The following CSRNP3 variants were observed in gnomAD, a reference collection of about 807,000 sequenced individuals.
CSRNP3 encodes the protein cysteine/serine-rich nuclear protein 3.
In CSRNP3, 12 loss-of-function variants were observed where a neutral mutation model predicts 48.0. The observed-to-expected ratio is 0.25, with a 90% confidence interval of 0.16 to 0.41. The LOEUF (loss-of-function observed/expected upper bound fraction) is 0.41, where lower values mean the gene tolerates loss of function less well. Ranked by LOEUF, CSRNP3 falls within the 10% of genes least tolerant of loss-of-function variation. CSRNP3 has a pLI of 1.00. For synonymous variants in CSRNP3, 263 were observed against 269.7 expected (o/e 0.98, Z 0.24); for missense variants, 580 against 724.4 (o/e 0.80, Z 2.29).
chr2:165,672,108 C>G (rs147271662), intron 5 of CSRNP3, among the ~76,000 whole-genome samples: 20 of 152,276 alleles, frequency 1.3e-4, no homozygotes, highest in African/African-American at 4.8e-4. Context: ...CTTCTGAGCC[C>G]TCTACATCTC....
intron 1 of CSRNP3, among the ~76,000 whole-genome samples, chr2:165,481,000 AAATT>A (rs1684034252): frequency 6.6e-6 from 1 of 151,586 alleles, no homozygotes; most frequent in East Asian, 1.9e-4. Context: ...ATATGAAAAA[AAATT>A]AAATAAAAAA....
At chr2:165,570,965 T>A (rs1259284549) in intron 3 of CSRNP3, among the ~76,000 whole-genome samples, 1 of 151,960 alleles carries the variant, frequency 6.6e-6, no homozygotes, top group Admixed American at 6.6e-5. Context: ...ATTAACTCAT[T>A]GTATTTAAAA....
Position 165,682,799 on chromosome 2 carries a change from G to A in CSRNP3, c.*3046G>A, listed in dbSNP as rs1368665219. On this transcript the variant is annotated 3_prime_UTR_variant, in exon 7 of 7. Transcript: ENST00000651982. Reference sequence around the variant, plus strand: ...AGTCCTTCTAAGCTTTTAAAAATGGGGATCAAGCTACATGCAGCCAGTTGG... The same window carrying A: ...AGTCCTTCTAAGCTTTTAAAAATGGAGATCAAGCTACATGCAGCCAGTTGG... 1 of 152,046 alleles carries A rather than the reference G, an allele frequency of 6.6e-6. No individual in the cohort carries two copies. Among genetic ancestry groups the A allele is most frequent in the African/African-American group, 2.4e-5 (1 of 41,408 alleles). 9.4% of individuals were successfully genotyped at this position (152,046 alleles called of 1,614,324 possible). A position where few individuals can be genotyped will look rare whatever the true frequency, so the allele number is the denominator to read the frequency against.
chr2:165,541,254 C>A (rs1226837109), intron 3 of CSRNP3, among the ~76,000 whole-genome samples: 1 of 151,422 alleles, frequency 6.6e-6, no homozygotes, highest in Admixed American at 6.6e-5. Context: ...GGAAGGACTT[C>A]CAGGTTCTTT....
chr2:165,636,428 T>C (rs1169703002), intron 4 of CSRNP3, among the ~76,000 whole-genome samples: 1 of 152,210 alleles, frequency 6.6e-6, no homozygotes, highest in Non-Finnish European at 1.5e-5. Context: ...AGGATAACTG[T>C]ACTAACTCCA....
intron 4 of CSRNP3, among the ~76,000 whole-genome samples, chr2:165,627,443 T>C (rs1239289554): frequency 6.6e-6 from 1 of 152,210 alleles, no homozygotes; most frequent in Non-Finnish European, 1.5e-5. Flanking sequence ...TGAGTTCTTT[T>C]CTCTTTCGTT....
chr2:165,656,744 A>G (rs1180029356), intron 4 of CSRNP3, among the ~76,000 whole-genome samples: 2 of 152,064 alleles, frequency 1.3e-5, no homozygotes, highest in Non-Finnish European at 2.9e-5. Flanking sequence ...GTGTGTTTTT[A>G]TTGCTTTTTG....
chr2:165,497,598 T>TA (rs1192143765), intron 2 of CSRNP3, among the ~76,000 whole-genome samples: 1 of 152,104 alleles, frequency 6.6e-6, no homozygotes, highest in Non-Finnish European at 1.5e-5. Flanking sequence ...GCTGTCTATA[T>TA]AACTGAGACA....
intron 3 of CSRNP3, among the ~76,000 whole-genome samples, chr2:165,571,439 A>C (rs1348236556): frequency 1.3e-5 from 2 of 151,852 alleles, no homozygotes; most frequent in African/African-American, 4.8e-5. Flanking sequence ...TTAAGAAATA[A>C]TTTTATATAT....
At chr2:165,549,273 T>C (rs1392649955) in intron 3 of CSRNP3, among the ~76,000 whole-genome samples, 1 of 152,094 alleles carries the variant, frequency 6.6e-6, no homozygotes, top group African/African-American at 2.4e-5. Flanking sequence ...CAGAAATAGT[T>C]GTCATGTTTT....
At chr2:165,594,458 C>T (rs1222826206) in intron 3 of CSRNP3, among the ~76,000 whole-genome samples, 1 of 152,198 alleles carries the variant, frequency 6.6e-6, no homozygotes. Flanking sequence ...TTATTGCTAT[C>T]TTCCAGGTAA....
intron 3 of CSRNP3, among the ~76,000 whole-genome samples, chr2:165,567,980 T>C (rs1685320072): frequency 6.6e-6 from 1 of 152,138 alleles, no homozygotes; most frequent in Non-Finnish European, 1.5e-5. Flanking sequence ...CTAGTTTCAT[T>C]AATGCTCTTT....
At position 165,584,819 on chromosome 2, in the gene CSRNP3, G is replaced by A. The variant is rs148567188; in HGVS notation, c.-23-10224G>A. On this transcript the variant is annotated intron_variant, in intron 3 of 6. Coordinates refer to ENST00000651982, the MANE Select transcript of CSRNP3 (RefSeq NM_001172173.2). ...GGATGTCCAATCTTTTGGCTTCCAT[G>A]GGCCATATTAGAAAAGAAGAATTGT... Among the ~76,000 whole-genome samples, 121 of 152,216 alleles carry A rather than the reference G, an allele frequency of 7.9e-4. 2 individuals carry two copies. Among genetic ancestry groups the A allele is most frequent in the Admixed American group, 5.0e-3 (77 of 15,284 alleles).
chr2:165,590,516 C>T (rs189490563), intron 3 of CSRNP3, among the ~76,000 whole-genome samples: 1 of 152,286 alleles, frequency 6.6e-6, no homozygotes, highest in Non-Finnish European at 1.5e-5. Context: ...ACATCCAACA[C>T]TGATATGGTT....
chr2:165,507,507 T>C (rs181932825), intron 2 of CSRNP3, among the ~76,000 whole-genome samples: 54 of 152,320 alleles, frequency 3.5e-4, no homozygotes, highest in East Asian at 2.7e-3. Context: ...AAAATCACTT[T>C]ATCATAAAGG....
intron 3 of CSRNP3, among the ~76,000 whole-genome samples, chr2:165,589,127 C>A (rs1222445466): frequency 6.6e-6 from 1 of 152,070 alleles, no homozygotes; most frequent in African/African-American, 2.4e-5. Context: ...ATTAATTATC[C>A]TCACCTGGCT....
chr2:165,509,705 T>A (rs571614225), intron 2 of CSRNP3, among the ~76,000 whole-genome samples: 88 of 152,314 alleles, frequency 5.8e-4, no homozygotes, highest in African/African-American at 2.0e-3. Flanking sequence ...GTTAACCTCT[T>A]ACATAACAAT....
intron 4 of CSRNP3, among the ~76,000 whole-genome samples, chr2:165,657,229 C>T (rs570272163): frequency 6.6e-6 from 1 of 152,138 alleles, no homozygotes; most frequent in Non-Finnish European, 1.5e-5. Context: ...TCAAGGAATC[C>T]TTATTTTACC....
At chr2:165,507,252 A>G (rs745630870) in intron 2 of CSRNP3, among the ~76,000 whole-genome samples, 1 of 152,156 alleles carries the variant, frequency 6.6e-6, no homozygotes, top group Non-Finnish European at 1.5e-5. Flanking sequence ...ATAGTATAAA[A>G]TCAGAGTTCA....
Sources: allele counts gnomAD v4.1 joint callset (sites outside exome capture counted in the v4.1 genomes callset), GRCh38; gene constraint gnomAD v4.1.1; transcripts MANE v1.5; gene names NCBI Gene and HGNC (gene_info 2026-07-23, HGNC 2026-07-21).